KAT6B: variants seen among roughly 807,000 people sequenced by gnomAD.
The protein encoded by KAT6B is histone acetyltransferase KAT6B.
Under a neutral mutation model 187.5 loss-of-function variants are expected in KAT6B, and 10 were observed. That is an observed-to-expected ratio of 0.05 (90% CI 0.03 to 0.09). KAT6B has a LOEUF of 0.09. Ranked by LOEUF, KAT6B falls within the 10% of genes least tolerant of loss-of-function variation. The pLI is 1.00. For missense variants in KAT6B, 1,952 were observed against 2,558.9 expected, an observed-to-expected ratio of 0.76 and a Z score of 5.12; for synonymous variants, 861 against 926.8, an observed-to-expected ratio of 0.93 and a Z score of 1.29.
At chr10:75,010,911 G>T (rs1411499482) in intron 13 of KAT6B, among the ~76,000 whole-genome samples, 1 of 152,190 alleles carries the variant, frequency 6.6e-6, no homozygotes, top group Non-Finnish European at 1.5e-5. Context: ...AATCTTAAAG[G>T]TAAAGCATTT....
intron 4 of KAT6B, among the ~76,000 whole-genome samples, chr10:74,961,935 A>G (rs1331776802): frequency 6.6e-6 from 1 of 152,186 alleles, no homozygotes; most frequent in African/African-American, 2.4e-5. Flanking sequence ...GCCAGTCTTC[A>G]AGTGGAGAGA....
chr10:74,884,622 G>T (rs538464123), intron 3 of KAT6B, among the ~76,000 whole-genome samples: 19 of 152,122 alleles, frequency 1.2e-4, no homozygotes, highest in Admixed American at 3.3e-4. Flanking sequence ...AGGCTGGAGT[G>T]CAGTGGCGTG....
At chr10:74,908,790 T>G (rs1846981749) in intron 3 of KAT6B, among the ~76,000 whole-genome samples, 1 of 152,162 alleles carries the variant, frequency 6.6e-6, no homozygotes, top group Non-Finnish European at 1.5e-5. Flanking sequence ...ATGATATAAG[T>G]TCTTCGTTCC....
At chr10:74,994,164 AGAAG>A (rs531714463) in intron 13 of KAT6B, among the ~76,000 whole-genome samples, 34 of 152,208 alleles carry the variant, frequency 2.2e-4, no homozygotes, top group Non-Finnish European at 4.4e-4. Context: ...TTGGCATTCT[AGAAG>A]GAAGAATTAT....
At chr10:74,868,286 T>C (rs1843686199) in intron 3 of KAT6B, among the ~76,000 whole-genome samples, 2 of 152,218 alleles carry the variant, frequency 1.3e-5, no homozygotes, top group Admixed American at 1.3e-4. Flanking sequence ...CCCAGGCTCG[T>C]CTTGAACTCC....
Position 75,028,635 on chromosome 10 carries a change from C to T in KAT6B, c.3811C>T (p.Leu1271=), listed in dbSNP as rs1403490689. The part of the protein sequence containing the change: ...QNKERKTGFK[L]NLYTPPETPM... ...CAAAGAGAGGAAGACCGGATTTAAA[C>T]TGAATTTGTACACCCCGCCAGAAAC... The change falls in exon 18 of 18, where the codon CTG becomes TTG. Residue 1271 remains leucine, a synonymous_variant. Coordinates refer to ENST00000287239, the MANE Select transcript of KAT6B (RefSeq NM_012330.4). The T allele has an allele frequency of 6.2e-7, 1 of 1,614,176 alleles. No homozygotes were observed. The highest frequency in any genetic ancestry group is 1.7e-5 in the Admixed American group (1 of 60,018).
At chr10:74,886,742 G>A (rs1043416008) in intron 3 of KAT6B, among the ~76,000 whole-genome samples, 3 of 152,096 alleles carry the variant, frequency 2.0e-5, no homozygotes, top group African/African-American at 7.2e-5. Context: ...TTCATGTATC[G>A]CAGAGAGGGA....
chr10:74,875,363 C>T (rs1817637331), intron 3 of KAT6B, among the ~76,000 whole-genome samples: 1 of 152,024 alleles, frequency 6.6e-6, no homozygotes, highest in Non-Finnish European at 1.5e-5. Flanking sequence ...TTATGTGTAG[C>T]ACATTAAAGC....
intron 3 of KAT6B, among the ~76,000 whole-genome samples, chr10:74,878,647 G>C (rs181195663): frequency 6.7e-6 from 1 of 148,982 alleles, no homozygotes; most frequent in East Asian, 2.0e-4. Context: ...AAAGACATTT[G>C]TTTTGGCTGG....
intron 4 of KAT6B, among the ~76,000 whole-genome samples, 158 bp downstream of exon 4, chr10:74,960,236 A>G (rs1841004633): frequency 6.6e-6 from 1 of 152,174 alleles, no homozygotes. Context: ...ATAGAGAAAA[A>G]AGCGTGAGTA....
intron 3 of KAT6B, among the ~76,000 whole-genome samples, chr10:74,877,519 C>T (rs1736260937): frequency 6.6e-6 from 1 of 152,098 alleles, no homozygotes; most frequent in Admixed American, 6.5e-5. Context: ...TGCTTAATTT[C>T]AGCTGTTGAG....
intron 17 of KAT6B, among the ~76,000 whole-genome samples, chr10:75,027,449 A>G (rs1845953757): frequency 6.6e-6 from 1 of 152,144 alleles, no homozygotes; most frequent in African/African-American, 2.4e-5. Flanking sequence ...TCTTATTTTT[A>G]TTCTCCAAAA....
chr10:75,028,527 A>G lies in KAT6B; in HGVS notation c.3703A>G (p.Ser1235Gly). ...NDDSSNLKEGSKDNPEPLKCK... is the reference protein window; with the variant it reads ...NDDSSNLKEGGKDNPEPLKCK... The stretch of plus-strand genomic sequence containing the variant: ...TGATTCAAGTAACTTGAAAGAAGGC[A>G]GTAAAGACAATCCCGAACCTCTAAA... Residue 1235 changes from serine to glycine, a missense_variant, in exon 18 of 18, where the codon AGT becomes GGT. Physicochemically the swap from Ser to Gly is moderately conservative, Grantham distance 56. This residue lies in a region of KAT6B where 758 missense variants were observed against 891.4 expected (regional missense o/e 0.85). Coordinates refer to ENST00000287239, the MANE Select transcript of KAT6B (RefSeq NM_012330.4). 1.2e-6 allele frequency: 2 copies of G among 1,614,230 alleles called. No individual in the cohort carries two copies. The highest frequency in any genetic ancestry group is 1.7e-6 in the Non-Finnish European group (2 of 1,180,042).
chr10:75,013,680 G>A (rs1355113305), intron 13 of KAT6B, among the ~76,000 whole-genome samples: 2 of 152,078 alleles, frequency 1.3e-5, no homozygotes, highest in African/African-American at 2.4e-5. Context: ...CACTTATTAG[G>A]ATTACTGTGA....
At chr10:74,952,448 C>G (rs1196837010) in intron 3 of KAT6B, among the ~76,000 whole-genome samples, 1 of 152,022 alleles carries the variant, frequency 6.6e-6, no homozygotes, top group Non-Finnish European at 1.5e-5. Flanking sequence ...TGAGGTATAT[C>G]AAGCTCCAAG....
intron 3 of KAT6B, among the ~76,000 whole-genome samples, chr10:74,888,233 G>A (rs912818756): frequency 6.6e-6 from 1 of 152,186 alleles, no homozygotes; most frequent in Non-Finnish European, 1.5e-5. Context: ...CTTGGGTATA[G>A]CTGGGAAGTG....
At chr10:74,830,478 A>G (rs1457915311) in intron 1 of KAT6B, among the ~76,000 whole-genome samples, 1 of 151,838 alleles carries the variant, frequency 6.6e-6, no homozygotes, top group Admixed American at 6.6e-5. Context: ...TAACTGTAAC[A>G]CTTTTAGTTT....
intron 3 of KAT6B, among the ~76,000 whole-genome samples, chr10:74,883,814 T>C (rs1210682433): frequency 6.6e-6 from 1 of 152,184 alleles, no homozygotes; most frequent in African/African-American, 2.4e-5. Flanking sequence ...AATTCTGTTT[T>C]GATTTTTAAA....
At chr10:74,851,210 C>T (rs994497864) in intron 3 of KAT6B, among the ~76,000 whole-genome samples, 9 of 151,680 alleles carry the variant, frequency 5.9e-5, no homozygotes, top group African/African-American at 1.7e-4. Flanking sequence ...CGGGTTCAAG[C>T]GATTCTCCTG....
Sources: gnomAD v4.1 joint callset for allele counts (sites outside exome capture counted in the v4.1 genomes callset) on GRCh38, gnomAD v4.1.1 for gene constraint, gnomAD v4.1.1 regional missense constraint, MANE v1.5 for transcripts, NCBI Gene and HGNC (gene_info 2026-07-23, HGNC 2026-07-21) for gene names.